LVRN: variants seen among roughly 807,000 people sequenced by gnomAD.
LVRN encodes laeverin.
LVRN carries 99 observed loss-of-function variants against 111.4 expected under a neutral mutation model. That is an observed-to-expected ratio of 0.89 (90% CI 0.76 to 1.05). LVRN has a LOEUF of 1.05. LVRN is among the 50% of genes least tolerant of loss of function. The pLI is 0.00. For synonymous variants in LVRN, 488 were observed against 449.5 expected (o/e 1.09, Z -1.08); for missense variants, 1,414 against 1,206.8 (o/e 1.17, Z -2.54).
chr5:116,024,393 A>T (rs1408428176), intron 19 of LVRN, among the ~76,000 whole-genome samples: 1 of 152,202 alleles, frequency 6.6e-6, no homozygotes, highest in Non-Finnish European at 1.5e-5. Flanking sequence ...TAAGCAAAAA[A>T]AAAGGACAAG....
rs143311257 is a variant in LVRN, at chr5:116,000,523, C to A, written c.1581+25C>A. 2,117 of 1,613,314 alleles carry A rather than the reference C, an allele frequency of 1.3e-3. 38 individuals carry two copies. The African/African-American group carries it at 0.025, about 19-fold the overall frequency. On this transcript the variant is annotated intron_variant, in intron 8 of 19. Coordinates refer to ENST00000357872, the MANE Select transcript of LVRN (RefSeq NM_173800.5). ...GGTGAGTTTGCAAAATAGTCGTTAC[C>A]TGGATGGCAGTAAACATAAATTCCA...
At chr5:116,003,182 T>C in intron 11 of LVRN, 59 bp from the exon 12 acceptor site, 2 of 1,416,984 alleles carry the variant, frequency 1.4e-6, no homozygotes, top group Non-Finnish European at 1.9e-6. Flanking sequence ...GTAGTATTAA[T>C]AGGTATTAAG....
chr5:116,012,602 A>G (rs1417657756), intron 15 of LVRN, 134 bp downstream of exon 15: 1 of 573,534 alleles, frequency 1.7e-6, no homozygotes, highest in Non-Finnish European at 3.0e-6. Context: ...TGAGAACAAT[A>G]GCTCAGAGGT....
At position 115,962,839 on chromosome 5, in the gene LVRN, T is replaced by G; in HGVS notation, c.222T>G (p.Ser74Arg). 6.2e-7 allele frequency: 1 copy of G among 1,612,678 alleles called. No individual in the cohort carries two copies. The highest frequency in any genetic ancestry group is 1.1e-5 in the South Asian group (1 of 90,990). The change falls in exon 1 of 20, where the codon AGT becomes AGG. Residue 74 changes from serine (S) to arginine (R), a missense_variant. Transcript: ENST00000357872. ...QKPTPTPKPS[S>R]ARELAVTTTP... ...CGACGCCAACCCCGAAACCCAGCAG[T>G]GCACGCGAGCTAGCGGTGACGACCA...
intron 6 of LVRN, among the ~76,000 whole-genome samples, chr5:115,995,203 A>T (rs1354040869): frequency 6.6e-6 from 1 of 152,172 alleles, no homozygotes; most frequent in African/African-American, 2.4e-5. Context: ...TTTTTATGAA[A>T]ATTGATAATC....
At chr5:115,969,581 A>C (rs1305789261) in intron 1 of LVRN, among the ~76,000 whole-genome samples, 1 of 152,062 alleles carries the variant, frequency 6.6e-6, no homozygotes, top group Admixed American at 6.6e-5. Flanking sequence ...GTGGATCACG[A>C]GGTCAGGAGA....
chr5:115,983,164 G>A, intron 1 of LVRN, 123 bp from the exon 2 acceptor site: 1 of 1,073,060 alleles, frequency 9.3e-7, no homozygotes, highest in Non-Finnish European at 1.3e-6. Context: ...GGGCAGTGAG[G>A]AAGATGAGAG....
intron 9 of LVRN, 79 bp from the exon 10 acceptor site, chr5:116,000,988 G>A (rs1430384888): frequency 5.5e-6 from 8 of 1,463,764 alleles, no homozygotes; most frequent in South Asian, 4.1e-5. Flanking sequence ...AATAGCTACC[G>A]AGTTTCTTTT....
chr5:116,001,193 C>A lies in LVRN; in HGVS notation c.1774C>A (p.Pro592Thr), dbSNP rs887746811. The A allele has an allele frequency of 1.9e-5, 30 of 1,613,810 alleles. No individual in the cohort carries two copies. Among genetic ancestry groups the A allele is most frequent in the Non-Finnish European group, 2.5e-5 (30 of 1,179,962 alleles). The change falls in exon 10 of 20, where the codon CCA becomes ACA. Residue 592 changes from proline (P) to threonine (T), a missense_variant. Transcript: ENST00000357872. ...NVSTGVMKQE[P>T]FYLENIKNRT... ...GTCTACTGGCGTCATGAAACAGGAGCCATTTTATCTTGAAAACATTAAAAA... is the reference window on the plus strand; with the variant it reads ...GTCTACTGGCGTCATGAAACAGGAGACATTTTATCTTGAAAACATTAAAAA...
At chr5:116,015,200 C>G in intron 16 of LVRN, 52 bp from the exon 17 acceptor site, 1 of 818,578 alleles carries the variant, frequency 1.2e-6, no homozygotes, top group Non-Finnish European at 1.7e-6. Context: ...ATATGATAAC[C>G]TGGGTAAACA....
At chr5:115,965,889 A>G (rs1310519849) in intron 1 of LVRN, among the ~76,000 whole-genome samples, 1 of 152,118 alleles carries the variant, frequency 6.6e-6, no homozygotes, top group East Asian at 1.9e-4. Flanking sequence ...TTCTTTATAA[A>G]TTACCCAGTC....
intron 14 of LVRN, among the ~76,000 whole-genome samples, chr5:116,011,831 T>C (rs1748495881): frequency 6.6e-6 from 1 of 152,204 alleles, no homozygotes; most frequent in South Asian, 2.1e-4. Flanking sequence ...TAGTTAATTC[T>C]TAGGGATGTA....
intron 4 of LVRN, among the ~76,000 whole-genome samples, chr5:115,989,241 A>G (rs2217264): frequency 0.28 from 42,661 of 152,044 alleles, 6,985 homozygotes; most frequent in East Asian, 0.68. Flanking sequence ...TGTCTTTATA[A>G]AGGTGCTTCT....
rs1282297031 is a variant in LVRN, at chr5:116,026,386, C to T, written c.*268C>T. The T allele has an allele frequency of 1.6e-5, 7 of 429,874 alleles. No individual in the cohort carries two copies. Among genetic ancestry groups the T allele is most frequent in the South Asian group, 2.4e-5 (1 of 42,444 alleles). 26.6% of individuals were successfully genotyped at this position (429,874 alleles called of 1,614,324 possible). A position where few individuals can be genotyped will look rare whatever the true frequency, so the allele number is the denominator to read the frequency against. On this transcript the variant is annotated 3_prime_UTR_variant, in exon 20 of 20. Coordinates refer to ENST00000357872, the MANE Select transcript of LVRN (RefSeq NM_173800.5). ...CCCACAGAATTTACTTTAAATGTCA[C>T]GTAAAAACAAATTCACCTAAGATAG...
At chr5:115,994,504 C>T in intron 6 of LVRN, among the ~76,000 whole-genome samples, 1 of 152,152 alleles carries the variant, frequency 6.6e-6, no homozygotes, top group Non-Finnish European at 1.5e-5. Context: ...AACTCCTGGA[C>T]TCAAGGGATC....
intron 18 of LVRN, chr5:116,022,091 T>G: frequency 4.0e-6 from 1 of 252,086 alleles, no homozygotes; most frequent in Non-Finnish European, 7.5e-6. Context: ...GAAATTGTAT[T>G]GATTTGAGAC....
chr5:115,976,318 C>A (rs199543841), intron 1 of LVRN: 2 of 152,244 alleles, frequency 1.3e-5, no homozygotes, highest in East Asian at 3.8e-4. Context: ...CTGACCAGCT[C>A]TGCGCTACCT....
At chr5:115,973,487 C>G (rs1315801374) in intron 1 of LVRN, among the ~76,000 whole-genome samples, 2 of 152,078 alleles carry the variant, frequency 1.3e-5, no homozygotes, top group African/African-American at 4.8e-5. Flanking sequence ...GGTAATATTT[C>G]TTCTTTAACC....
intron 7 of LVRN, 135 bp from the exon 8 acceptor site, chr5:116,000,298 A>C: frequency 6.4e-6 from 8 of 1,256,130 alleles, no homozygotes; most frequent in Non-Finnish European, 9.1e-6. Flanking sequence ...GCACATTCCA[A>C]AATAATTCAA....
Sources: gnomAD v4.1 joint callset for allele counts (sites outside exome capture counted in the v4.1 genomes callset) on GRCh38, gnomAD v4.1.1 for gene constraint, MANE v1.5 for transcripts, NCBI Gene and HGNC (gene_info 2026-07-23, HGNC 2026-07-21) for gene names.